The following LRRTM4 variants were observed in gnomAD, a reference collection of about 807,000 sequenced individuals.
LRRTM4 encodes leucine rich repeat transmembrane neuronal 4.
LRRTM4 carries 25 observed loss-of-function variants against 47.6 expected under a neutral mutation model. The observed-to-expected ratio is 0.53, with a 90% CI of 0.38 to 0.73. LRRTM4 has a LOEUF of 0.73. Among genes scored for constraint, LRRTM4 ranks in the 30% least tolerant of loss-of-function variants. The pLI is 0.00. For missense variants in LRRTM4, 638 were observed against 713.4 expected, an observed-to-expected ratio of 0.89 and a Z score of 1.20; for synonymous variants, 311 against 269.5, an observed-to-expected ratio of 1.15 and a Z score of -1.51.
chr2:77,212,104 G>C (rs1041750745), intron 3 of LRRTM4, among the ~76,000 whole-genome samples: 1 of 151,842 alleles, frequency 6.6e-6, no homozygotes, highest in Non-Finnish European at 1.5e-5. Context: ...TGGGATGTGG[G>C]AGACTACTTA....
chr2:77,487,415 G>A (rs2104033869), intron 3 of LRRTM4, among the ~76,000 whole-genome samples: 1 of 152,346 alleles, frequency 6.6e-6, no homozygotes, highest in South Asian at 2.1e-4. Context: ...GGCTGGGTGT[G>A]TGTACGCTTG....
At chr2:77,028,820 G>A (rs930426972) in intron 3 of LRRTM4, among the ~76,000 whole-genome samples, 5 of 151,682 alleles carry the variant, frequency 3.3e-5, no homozygotes, top group Non-Finnish European at 7.4e-5. Context: ...CAAATCATGA[G>A]GTCAGGAGAT....
intron 3 of LRRTM4, among the ~76,000 whole-genome samples, chr2:77,336,846 A>C (rs557688200): frequency 6.6e-6 from 1 of 152,264 alleles, no homozygotes; most frequent in Admixed American, 6.5e-5. Context: ...TATTCAGCAT[A>C]GTACTGGAAG....
intron 3 of LRRTM4, among the ~76,000 whole-genome samples, chr2:77,492,595 A>T (rs1350872401): frequency 6.6e-6 from 1 of 152,152 alleles, no homozygotes; most frequent in East Asian, 1.9e-4. Context: ...TTTCCAAGAG[A>T]CACACAAATT....
intron 3 of LRRTM4, among the ~76,000 whole-genome samples, chr2:77,385,056 GA>G (rs1442369253): frequency 1.3e-5 from 2 of 152,000 alleles, no homozygotes; most frequent in Non-Finnish European, 2.9e-5. Context: ...AACATAAAGG[GA>G]AGAATGAAAA....
At chr2:76,933,560 TA>T in intron 3 of LRRTM4, among the ~76,000 whole-genome samples, 1 of 152,230 alleles carries the variant, frequency 6.6e-6, no homozygotes, top group Non-Finnish European at 1.5e-5. Context: ...CCTCAGGTAT[TA>T]AAAATTGCAT....
intron 3 of LRRTM4, among the ~76,000 whole-genome samples, chr2:77,103,386 CAT>C (rs1342554333): frequency 6.6e-6 from 1 of 152,010 alleles, no homozygotes; most frequent in Admixed American, 6.6e-5. Flanking sequence ...TCTCTTTTGT[CAT>C]AAAAGATTAA....
intron 3 of LRRTM4, among the ~76,000 whole-genome samples, chr2:77,425,732 C>A (rs1346499711): frequency 6.6e-6 from 1 of 152,156 alleles, no homozygotes; most frequent in Non-Finnish European, 1.5e-5. Context: ...TATCTCAAAT[C>A]TCTACATGGT....
chr2:77,446,155 G>A (rs1676042147), intron 3 of LRRTM4, among the ~76,000 whole-genome samples: 1 of 151,908 alleles, frequency 6.6e-6, no homozygotes, highest in East Asian at 1.9e-4. Context: ...CATGTAATAG[G>A]CAATCTGTTT....
chr2:77,426,289 T>G (rs894545694), intron 3 of LRRTM4, among the ~76,000 whole-genome samples: 1 of 152,174 alleles, frequency 6.6e-6, no homozygotes, highest in Non-Finnish European at 1.5e-5. Context: ...ACCTTTTCCC[T>G]TAATGTATCT....
At chr2:77,313,117 C>G (rs901924347) in intron 3 of LRRTM4, among the ~76,000 whole-genome samples, 2 of 151,928 alleles carry the variant, frequency 1.3e-5, no homozygotes, top group African/African-American at 4.8e-5. Context: ...GCTGGGACCT[C>G]GTGCTGGGAT....
In LRRTM4 at chr2:77,499,636, T is replaced by C. The variant is rs970619405; in HGVS notation, c.1551+18682A>G. ...ATTTAAAGCCCAGAGTCAGTCACTCTAACTAGATGAACAACAAAAAAGCTT... is the reference window on the plus strand; with the variant it reads ...ATTTAAAGCCCAGAGTCAGTCACTCCAACTAGATGAACAACAAAAAAGCTT... On this transcript the variant is annotated intron_variant, in intron 3 of 3. Transcript: ENST00000409884. 3.3e-5 allele frequency among the ~76,000 whole-genome samples: 5 copies of C among 151,956 alleles called. 1 individual carries two copies. The highest frequency in any genetic ancestry group is 1.2e-4 in the African/African-American group (5 of 41,424).
intron 3 of LRRTM4, among the ~76,000 whole-genome samples, chr2:77,270,498 A>T (rs1676162855): frequency 6.6e-6 from 1 of 152,216 alleles, no homozygotes; most frequent in Admixed American, 6.5e-5. Context: ...GGCGCTATGG[A>T]ATTAACACCT....
chr2:77,346,743 C>T (rs181554928), intron 3 of LRRTM4, among the ~76,000 whole-genome samples: 161 of 151,908 alleles, frequency 1.1e-3, no homozygotes, highest in African/African-American at 3.1e-3. Context: ...ATAGGGGTTT[C>T]ATTAAGTAAT....
chr2:76,965,189 A>G (rs1675983635), intron 3 of LRRTM4, among the ~76,000 whole-genome samples: 1 of 151,180 alleles, frequency 6.6e-6, no homozygotes, highest in South Asian at 2.1e-4. Context: ...TTCCTATCAC[A>G]TTCTATGAGG....
intron 3 of LRRTM4, among the ~76,000 whole-genome samples, chr2:77,048,651 G>A (rs1008152257): frequency 6.6e-5 from 10 of 151,656 alleles, no homozygotes; most frequent in Admixed American, 2.0e-4. Context: ...ATACATACAC[G>A]ATAACTATAT....
intron 3 of LRRTM4, among the ~76,000 whole-genome samples, chr2:77,226,927 A>G (rs550305720): frequency 3.7e-4 from 57 of 152,158 alleles, no homozygotes; most frequent in African/African-American, 1.4e-3. Flanking sequence ...CCAATTCAAC[A>G]TCCAATACCT....
intron 3 of LRRTM4, among the ~76,000 whole-genome samples, chr2:76,807,446 A>G (rs1488096178): frequency 2.4e-5 from 2 of 82,358 alleles, no homozygotes; most frequent in Admixed American, 1.3e-4. Flanking sequence ...ACGTATATAC[A>G]TATATATATA....
intron 3 of LRRTM4, among the ~76,000 whole-genome samples, chr2:77,155,716 C>G (rs1292025052): frequency 6.6e-6 from 1 of 151,924 alleles, no homozygotes; most frequent in Non-Finnish European, 1.5e-5. Flanking sequence ...ATGTTGGTTA[C>G]CAGTGACTCT....
Sources: gnomAD v4.1 joint callset for allele counts (sites outside exome capture counted in the v4.1 genomes callset) on GRCh38, gnomAD v4.1.1 for gene constraint, MANE v1.5 for transcripts, NCBI Gene and HGNC (gene_info 2026-07-23, HGNC 2026-07-21) for gene names.